Variants in POLK observed in about 807,000 individuals in gnomAD.
POLK encodes polymerase (DNA directed) kappa.
A neutral mutation model predicts 94.0 loss-of-function variants in POLK; 76 were observed. The observed-to-expected ratio is 0.81, with a 90% CI of 0.67 to 0.98. POLK has a LOEUF of 0.98. Ranked by LOEUF, POLK falls within the 50% of genes least tolerant of loss-of-function variation. The pLI, the probability that POLK is intolerant of heterozygous loss-of-function variation, is 0.00. For synonymous variants in POLK, 349 were observed against 325.4 expected, an observed-to-expected ratio of 1.07 and a Z score of -0.78; for missense variants, 954 against 1,010.1, an observed-to-expected ratio of 0.94 and a Z score of 0.75.
chr5:75,544,380 C>T (rs910196203), intron 1 of POLK, among the ~76,000 whole-genome samples: 2 of 152,076 alleles, frequency 1.3e-5, no homozygotes, highest in African/African-American at 4.8e-5. Flanking sequence ...GGTGTGGTGG[C>T]TCAGGCCTGT....
At chr5:75,599,760 A>T (rs1773254735) in exon 15 of POLK, 1 of 152,180 alleles carries the variant, frequency 6.6e-6, no homozygotes, top group Admixed American at 6.5e-5. Flanking sequence ...TATGTAGTTG[A>T]ATATTATCAT....
At chr5:75,549,918 CA>C (rs1770250550) in intron 2 of POLK, among the ~76,000 whole-genome samples, 1 of 151,876 alleles carries the variant, frequency 6.6e-6, no homozygotes, top group Non-Finnish European at 1.5e-5. Flanking sequence ...TACAATTTTT[CA>C]AAATGGACTC....
At chr5:75,523,773 C>T (rs72768364) in intron 1 of POLK, among the ~76,000 whole-genome samples, 1,822 of 152,110 alleles carry the variant, frequency 0.012, 13 homozygotes, top group Non-Finnish European at 0.02. Context: ...TAAATATATG[C>T]GTGATGAGGA....
Position 75,596,211 on chromosome 5 carries a change from G to T in POLK, c.1529-11G>T. ...TTCAATTTGAAATTGATTGTGATTG[G>T]TTTAATTTAGGTGTTCGGATATCTA... On this transcript the variant is annotated splice_polypyrimidine_tract_variant and intron_variant, in intron 12 of 14. Coordinates refer to ENST00000241436, the Ensembl canonical transcript of POLK. The T allele has an allele frequency of 6.9e-7, 1 of 1,449,050 alleles. No homozygotes were observed. The highest frequency in any genetic ancestry group is 9.5e-7 in the Non-Finnish European group (1 of 1,050,668). 89.8% of individuals were successfully genotyped at this position (1,449,050 alleles called of 1,614,324 possible). A position where few individuals can be genotyped will look rare whatever the true frequency, so the allele number is the denominator to read the frequency against.
chr5:75,542,767 G>A (rs910887120), intron 1 of POLK, among the ~76,000 whole-genome samples: 10 of 148,928 alleles, frequency 6.7e-5, no homozygotes, highest in African/African-American at 1.2e-4. Context: ...GCGTGATCTC[G>A]GCTCACTGCA....
chr5:75,590,237 T>C lies in POLK; in HGVS notation c.1260-107T>C, dbSNP rs5744692. On this transcript the variant is annotated intron_variant, in intron 10 of 14. Coordinates refer to ENST00000241436, the Ensembl canonical transcript of POLK. Reference sequence around the variant, plus strand: ...TTCATCTGAAAACTTTATTTTGTAATACAGAAAAATATAACTTAATGCTAG... The same window carrying C: ...TTCATCTGAAAACTTTATTTTGTAACACAGAAAAATATAACTTAATGCTAG... 5.3e-5 allele frequency: 28 copies of C among 529,892 alleles called. No individual in the cohort carries two copies. In the East Asian group the frequency reaches 7.2e-4, roughly 14 times the overall value. The allele number at this position is 529,892 out of a possible 1,614,324, so 32.8% of individuals were successfully genotyped here.
chr5:75,578,691 A>G (rs956690172), intron 6 of POLK, among the ~76,000 whole-genome samples: 1 of 152,194 alleles, frequency 6.6e-6, no homozygotes, highest in African/African-American at 2.4e-5. Context: ...AGTGCATTGG[A>G]ACTGTGGAAG....
chr5:75,545,683 A>G (rs1203431080), intron 1 of POLK, among the ~76,000 whole-genome samples: 1 of 151,958 alleles, frequency 6.6e-6, no homozygotes, highest in Admixed American at 6.6e-5. Context: ...GTATTTTTTC[A>G]TTGCCTTAAG....
At chr5:75,540,504 G>C (rs1769682836) in intron 1 of POLK, among the ~76,000 whole-genome samples, 1 of 151,950 alleles carries the variant, frequency 6.6e-6, no homozygotes, top group South Asian at 2.1e-4. Flanking sequence ...TCACTATGTT[G>C]CCCAGGCTGG....
intron 1 of POLK, among the ~76,000 whole-genome samples, chr5:75,538,365 A>C (rs79552445): frequency 3.0e-4 from 46 of 152,308 alleles, no homozygotes; most frequent in African/African-American, 1.1e-3. Flanking sequence ...AAAAAAATTA[A>C]GCTAACTTAA....
chr5:75,589,440 T>TACACACAC (rs1772651919), intron 10 of POLK, among the ~76,000 whole-genome samples: 5 of 63,684 alleles, frequency 7.9e-5, no homozygotes, highest in African/African-American at 2.2e-4. Context: ...CACACACACG[T>TACACACAC]GGAATATTTC....
chr5:75,534,138 T>G, intron 1 of POLK, among the ~76,000 whole-genome samples: 1 of 152,004 alleles, frequency 6.6e-6, no homozygotes, highest in East Asian at 1.9e-4. Context: ...TGGTGGTGCA[T>G]GCCTGTAGTC....
chr5:75,519,995 A>G (rs1306880049), intron 1 of POLK, among the ~76,000 whole-genome samples: 2 of 152,078 alleles, frequency 1.3e-5, no homozygotes, highest in Admixed American at 1.3e-4. Context: ...TTTCTCTGAT[A>G]GTATGTTTTA....
intron 4 of POLK, among the ~76,000 whole-genome samples, chr5:75,569,845 T>C (rs1771496091): frequency 6.6e-6 from 1 of 152,074 alleles, no homozygotes; most frequent in South Asian, 2.1e-4. Context: ...CTCATAGGAG[T>C]GCAAACTCTA....
At chr5:75,559,623 A>C (rs1770866812) in intron 3 of POLK, among the ~76,000 whole-genome samples, 6 of 144,220 alleles carry the variant, frequency 4.2e-5, no homozygotes. Context: ...TACAACCTCC[A>C]ACTACTGGGC....
intron 2 of POLK, among the ~76,000 whole-genome samples, chr5:75,548,847 C>T (rs574714884): frequency 6.6e-6 from 1 of 151,876 alleles, no homozygotes; most frequent in Admixed American, 6.6e-5. Flanking sequence ...TATAGGTGTT[C>T]GTTGTACTAT....
intron 12 of POLK, among the ~76,000 whole-genome samples, chr5:75,595,127 C>T (rs1772996920): frequency 6.6e-6 from 1 of 151,732 alleles, no homozygotes; most frequent in Admixed American, 6.6e-5. Context: ...TGGCGGGCAC[C>T]TGTAATCCCA....
the POLK span, among the ~76,000 whole-genome samples, chr5:75,607,585 C>G: frequency 1.3e-5 from 2 of 152,190 alleles, no homozygotes; most frequent in East Asian, 3.9e-4. Context: ...ATCCTGCTGC[C>G]TGGAAGCAGA....
intron 3 of POLK, among the ~76,000 whole-genome samples, chr5:75,562,454 A>G (rs1771039886): frequency 6.6e-6 from 1 of 152,178 alleles, no homozygotes; most frequent in Non-Finnish European, 1.5e-5. Context: ...GTCACCTGCA[A>G]ACAGAGGTAA....
Sources: allele counts gnomAD v4.1 joint callset (sites outside exome capture counted in the v4.1 genomes callset), GRCh38; gene constraint gnomAD v4.1.1; transcripts MANE v1.5; gene names NCBI Gene and HGNC (gene_info 2026-07-23, HGNC 2026-07-21).